CTNNA2: variants seen among roughly 807,000 people sequenced by gnomAD.
The protein encoded by CTNNA2 is catenin alpha-2.
Under a neutral mutation model 101.0 loss-of-function variants are expected in CTNNA2, and 42 were observed. The observed-to-expected ratio is 0.42, with a 90% CI of 0.32 to 0.54. CTNNA2 has a LOEUF of 0.54. Ranked by LOEUF, CTNNA2 falls within the 20% of genes least tolerant of loss-of-function variation. The pLI, the probability that CTNNA2 is intolerant of heterozygous loss-of-function variation, is 0.14. For synonymous variants in CTNNA2, 450 were observed against 456.4 expected (o/e 0.99, Z 0.18); for missense variants, 871 against 1,223.1 (o/e 0.71, Z 4.29).
At chr2:79,979,431 G>T (rs1401465938) in intron 7 of CTNNA2, among the ~76,000 whole-genome samples, 1 of 152,052 alleles carries the variant, frequency 6.6e-6, no homozygotes, top group Non-Finnish European at 1.5e-5. Flanking sequence ...TGGAGTATGA[G>T]ATTTAGAACA....
In CTNNA2 at chr2:79,885,000, G is replaced by A. The variant is rs903161539; in HGVS notation, c.852+10658G>A. 2.2e-4 allele frequency among the ~76,000 whole-genome samples: 34 copies of A among 152,162 alleles called. 3 individuals are homozygous for A. The highest frequency in any genetic ancestry group is 1.8e-3 in the Admixed American group (27 of 15,282). ...TGCCCAAAGCTTATCCCAGTTGTAG[G>A]CTTCTCTGGGTGCACACAGATATTC... On this transcript the variant is annotated intron_variant, in intron 6 of 18. Transcript: ENST00000402739.
intron 7 of CTNNA2, among the ~76,000 whole-genome samples, chr2:80,036,782 T>C (rs1695680837): frequency 2.0e-5 from 3 of 151,290 alleles, no homozygotes; most frequent in African/African-American, 4.9e-5. Flanking sequence ...CAAAAGAGAA[T>C]ACCATTCACA....
chr2:79,306,967 G>T (rs1248122401), intron 2 of CTNNA2, among the ~76,000 whole-genome samples: 1 of 152,068 alleles, frequency 6.6e-6, no homozygotes, highest in Non-Finnish European at 1.5e-5. Context: ...AGATTACTAT[G>T]TTTCTTTTGC....
chr2:79,803,671 C>A (rs1676341534), intron 3 of CTNNA2, among the ~76,000 whole-genome samples: 1 of 152,244 alleles, frequency 6.6e-6, no homozygotes, highest in Non-Finnish European at 1.5e-5. Flanking sequence ...TACACTGCTG[C>A]AGAGATTTTT....
intron 2 of CTNNA2, among the ~76,000 whole-genome samples, chr2:79,693,521 A>G (rs1684459800): frequency 6.6e-6 from 1 of 151,970 alleles, no homozygotes. Context: ...TTTTGTACTA[A>G]TGGGAATAAT....
intron 7 of CTNNA2, among the ~76,000 whole-genome samples, chr2:79,967,587 C>G (rs1047785507): frequency 2.6e-5 from 4 of 152,132 alleles, no homozygotes; most frequent in Admixed American, 2.6e-4. Flanking sequence ...AATCCTAATG[C>G]CTTACCCTGA....
intron 1 of CTNNA2, among the ~76,000 whole-genome samples, chr2:79,546,014 T>C (rs1286572853): frequency 2.0e-5 from 3 of 152,158 alleles, no homozygotes; most frequent in African/African-American, 7.2e-5. Context: ...CTAAGTACCA[T>C]ACCCAAGATT....
At chr2:80,615,645 G>A (rs764677018) in intron 17 of CTNNA2, among the ~76,000 whole-genome samples, 1 of 151,450 alleles carries the variant, frequency 6.6e-6, no homozygotes, top group Non-Finnish European at 1.5e-5. Flanking sequence ...TGTTTTCTTG[G>A]TTTACTATAT....
intron 2 of CTNNA2, among the ~76,000 whole-genome samples, chr2:79,662,883 T>C (rs892206748): frequency 6.6e-6 from 1 of 152,204 alleles, no homozygotes; most frequent in African/African-American, 2.4e-5. Context: ...TCATGGGATT[T>C]ATTTCCTCCC....
intron 3 of CTNNA2, among the ~76,000 whole-genome samples, chr2:79,810,734 G>A (rs1391157185): frequency 6.6e-6 from 1 of 151,098 alleles, no homozygotes; most frequent in Non-Finnish European, 1.5e-5. Context: ...GTGTCCATGT[G>A]TTCTCATTTT....
At chr2:79,895,692 A>T (rs58421934) in intron 6 of CTNNA2, among the ~76,000 whole-genome samples, 35,281 of 140,486 alleles carry the variant, frequency 0.25, 4,859 homozygotes, top group Middle Eastern at 0.37. Flanking sequence ...AAATTTCTTA[A>T]TTTTTTTTTT....
chr2:80,227,298 G>C (rs1708945017), intron 7 of CTNNA2, among the ~76,000 whole-genome samples: 2 of 152,096 alleles, frequency 1.3e-5, no homozygotes, highest in Admixed American at 1.3e-4. Flanking sequence ...TACTTACCAA[G>C]TGTCAGGTGC....
At chr2:80,283,196 T>C (rs1333983212) in intron 7 of CTNNA2, among the ~76,000 whole-genome samples, 6 of 152,036 alleles carry the variant, frequency 3.9e-5, no homozygotes, top group Non-Finnish European at 7.4e-5. Flanking sequence ...TGAAAGACAC[T>C]TAAAAGACAT....
chr2:79,629,991 A>G (rs1432150320), intron 1 of CTNNA2, among the ~76,000 whole-genome samples: 5 of 152,144 alleles, frequency 3.3e-5, no homozygotes, highest in Non-Finnish European at 4.4e-5. Flanking sequence ...CCCTAAGCCA[A>G]TATTTCCCCT....
intron 2 of CTNNA2, among the ~76,000 whole-genome samples, chr2:79,294,896 C>T (rs1375837951): frequency 6.6e-6 from 1 of 151,966 alleles, no homozygotes; most frequent in Non-Finnish European, 1.5e-5. Flanking sequence ...TGATTTTGAT[C>T]TTATCTGCTG....
At chr2:79,421,727 A>G (rs1678542023) in intron 4 of CTNNA2, among the ~76,000 whole-genome samples, 1 of 152,124 alleles carries the variant, frequency 6.6e-6, no homozygotes. Flanking sequence ...GCAACTTTCC[A>G]CTTCTTTGAA....
chr2:79,873,975 A>G (rs1682799420), intron 5 of CTNNA2, 101 bp from the exon 6 acceptor site: 1 of 1,500,432 alleles, frequency 6.7e-7, no homozygotes, highest in Admixed American at 2.1e-5. Context: ...AGGGTTTCTG[A>G]AGTTCAGTGT....
At chr2:80,366,403 G>A (rs1261062549) in intron 7 of CTNNA2, among the ~76,000 whole-genome samples, 1 of 152,140 alleles carries the variant, frequency 6.6e-6, no homozygotes, top group Non-Finnish European at 1.5e-5. Context: ...GGTGCACTGT[G>A]GTGGCAGTGG....
At chr2:80,619,271 C>A (rs1171080321) in intron 18 of CTNNA2, 43 bp downstream of exon 18, 3 of 1,452,428 alleles carry the variant, frequency 2.1e-6, no homozygotes, top group South Asian at 3.0e-5. Flanking sequence ...TCATTGTAAT[C>A]ATGAATTCTG....
Sources: gnomAD v4.1 joint callset for allele counts (sites outside exome capture counted in the v4.1 genomes callset) on GRCh38, gnomAD v4.1.1 for gene constraint, MANE v1.5 for transcripts, NCBI Gene and HGNC (gene_info 2026-07-23, HGNC 2026-07-21) for gene names.